CMTM8: variants seen among roughly 807,000 people sequenced by gnomAD.
CMTM8 encodes CKLF-like MARVEL transmembrane domain-containing protein 8.
Under a neutral mutation model 18.6 loss-of-function variants are expected in CMTM8, and 12 were observed. That is an observed-to-expected ratio of 0.65 (90% CI 0.41 to 1.05). CMTM8 has a LOEUF of 1.05. CMTM8 is among the 50% of genes least tolerant of loss of function. CMTM8 has a pLI of 0.00. For synonymous variants in CMTM8, 87 were observed against 90.6 expected (o/e 0.96, Z 0.23); for missense variants, 217 against 227.2 (o/e 0.95, Z 0.29).
intron 1 of CMTM8, among the ~76,000 whole-genome samples, chr3:32,302,439 T>A: frequency 6.6e-6 from 1 of 152,198 alleles, no homozygotes. Context: ...CCCGACATCT[T>A]AGGTCACTTT....
chr3:32,263,909 A>G (rs898670148), intron 1 of CMTM8, among the ~76,000 whole-genome samples: 1 of 152,220 alleles, frequency 6.6e-6, no homozygotes, highest in Non-Finnish European at 1.5e-5. Flanking sequence ...AAAAAAGAAT[A>G]AAAAGAAACG....
intron 1 of CMTM8, among the ~76,000 whole-genome samples, chr3:32,240,601 C>T (rs968696153): frequency 1.3e-5 from 2 of 152,018 alleles, no homozygotes; most frequent in Non-Finnish European, 2.9e-5. Context: ...TCAGGAAATA[C>T]AAAAGTGAAA....
chr3:32,290,408 C>T (rs1463813897), intron 1 of CMTM8, among the ~76,000 whole-genome samples: 1 of 152,220 alleles, frequency 6.6e-6, no homozygotes, highest in Non-Finnish European at 1.5e-5. Flanking sequence ...TGTAAGATGT[C>T]AGTTCCTAAA....
intron 1 of CMTM8, among the ~76,000 whole-genome samples, chr3:32,256,068 C>T (rs1244666581): frequency 2.6e-5 from 4 of 151,920 alleles, no homozygotes; most frequent in African/African-American, 4.8e-5. Flanking sequence ...GATATTGTTC[C>T]ATTGTCTTCT....
At chr3:32,296,315 C>T (rs1702878186) in intron 1 of CMTM8, among the ~76,000 whole-genome samples, 1 of 152,140 alleles carries the variant, frequency 6.6e-6, no homozygotes, top group African/African-American at 2.4e-5. Flanking sequence ...GTTTACTTGT[C>T]TGAATCTCCC....
intron 1 of CMTM8, among the ~76,000 whole-genome samples, chr3:32,346,114 A>T (rs1263273883): frequency 6.6e-6 from 1 of 152,194 alleles, no homozygotes; most frequent in Non-Finnish European, 1.5e-5. Context: ...AGATCATGCC[A>T]TTGCACTCCA....
chr3:32,287,619 G>A (rs1702708181), intron 1 of CMTM8, among the ~76,000 whole-genome samples: 1 of 152,200 alleles, frequency 6.6e-6, no homozygotes, highest in African/African-American at 2.4e-5. Flanking sequence ...AAACATGAGA[G>A]TTAGGGAAAT....
At chr3:32,284,286 A>T (rs12629726) in intron 1 of CMTM8, among the ~76,000 whole-genome samples, 7,408 of 152,252 alleles carry the variant, frequency 0.049, 700 homozygotes, top group East Asian at 0.44. Flanking sequence ...AAATATATAC[A>T]CTTAGATTTA....
At chr3:32,315,754 A>G (rs1695915120) in intron 1 of CMTM8, among the ~76,000 whole-genome samples, 1 of 152,196 alleles carries the variant, frequency 6.6e-6, no homozygotes, top group Non-Finnish European at 1.5e-5. Flanking sequence ...ATGCTTTGAA[A>G]AAGGTGACTT....
At chr3:32,344,693 G>A (rs762834250) in intron 1 of CMTM8, among the ~76,000 whole-genome samples, 4 of 152,094 alleles carry the variant, frequency 2.6e-5, no homozygotes, top group Non-Finnish European at 4.4e-5. Context: ...CTAGGAGTTC[G>A]AAGTCAGCCC....
At chr3:32,363,263 C>T (rs1218281922) in intron 2 of CMTM8, among the ~76,000 whole-genome samples, 1 of 152,198 alleles carries the variant, frequency 6.6e-6, no homozygotes, top group Non-Finnish European at 1.5e-5. Flanking sequence ...CAGGTTCCTC[C>T]TTTCTTGTGA....
At chr3:32,281,962 C>T (rs1702616174) in intron 1 of CMTM8, among the ~76,000 whole-genome samples, 1 of 152,102 alleles carries the variant, frequency 6.6e-6, no homozygotes, top group African/African-American at 2.4e-5. Flanking sequence ...ACAAGAGTGC[C>T]AGGGCTCAGG....
At chr3:32,336,154 A>G (rs944671907) in intron 1 of CMTM8, among the ~76,000 whole-genome samples, 1 of 152,152 alleles carries the variant, frequency 6.6e-6, no homozygotes, top group Admixed American at 6.5e-5. Flanking sequence ...TAGCTGTGTG[A>G]CTTTTGATAC....
intron 1 of CMTM8, among the ~76,000 whole-genome samples, chr3:32,306,051 C>G (rs890110694): frequency 3.9e-5 from 6 of 152,148 alleles, no homozygotes; most frequent in Non-Finnish European, 8.8e-5. Context: ...TGAACCATCC[C>G]AAACTTAGTG....
intron 2 of CMTM8, among the ~76,000 whole-genome samples, chr3:32,364,918 A>G (rs1448131549): frequency 6.6e-6 from 1 of 152,164 alleles, no homozygotes; most frequent in Non-Finnish European, 1.5e-5. Context: ...CGCAGCAGTG[A>G]TGTGTGAAGC....
At chr3:32,354,233 G>A (rs1696769280) in intron 1 of CMTM8, among the ~76,000 whole-genome samples, 1 of 152,050 alleles carries the variant, frequency 6.6e-6, no homozygotes, top group African/African-American at 2.4e-5. Context: ...ACAGATTCAG[G>A]TTTATCTTAA....
intron 1 of CMTM8, among the ~76,000 whole-genome samples, chr3:32,308,462 T>C (rs1281773348): frequency 6.6e-6 from 1 of 152,226 alleles, no homozygotes; most frequent in Non-Finnish European, 1.5e-5. Context: ...GCCCGCAGTT[T>C]CTTCTCCAGA....
chr3:32,247,086 G>C (rs1050554364), intron 1 of CMTM8, among the ~76,000 whole-genome samples: 1 of 152,160 alleles, frequency 6.6e-6, no homozygotes, highest in African/African-American at 2.4e-5. Flanking sequence ...GCGTGACAGA[G>C]TGAGACTATG....
intron 1 of CMTM8, among the ~76,000 whole-genome samples, chr3:32,246,962 G>C (rs572401035): frequency 9.9e-5 from 15 of 152,080 alleles, no homozygotes; most frequent in Non-Finnish European, 2.2e-4. Flanking sequence ...TCAGCTGGGC[G>C]TAGTGGCAGG....
Sources: allele counts gnomAD v4.1 joint callset (sites outside exome capture counted in the v4.1 genomes callset), GRCh38; gene constraint gnomAD v4.1.1; transcripts MANE v1.5; gene names NCBI Gene and HGNC (gene_info 2026-07-23, HGNC 2026-07-21).